The following GTF2A1L variants were observed in gnomAD, a reference collection of about 807,000 sequenced individuals.
GTF2A1L encodes TFIIA-alpha and beta-like factor.
GTF2A1L carries 48 observed loss-of-function variants against 49.7 expected under a neutral mutation model. The observed-to-expected ratio is 0.97, with a 90% CI of 0.77 to 1.23. The LOEUF (loss-of-function observed/expected upper bound fraction) is 1.23. Ranked by LOEUF, GTF2A1L falls within the 50% of genes most tolerant of loss-of-function variation. The pLI is 0.00. For synonymous variants in GTF2A1L, 246 were observed against 193.5 expected, an observed-to-expected ratio of 1.27 and a Z score of -2.25; for missense variants, 736 against 564.8, an observed-to-expected ratio of 1.30 and a Z score of -3.07.
intron 6 of GTF2A1L, 126 bp from the exon 7 acceptor site, chr2:48,669,596 A>G: frequency 8.8e-7 from 1 of 1,134,514 alleles, no homozygotes; most frequent in Non-Finnish European, 1.2e-6. Context: ...GTTAGATTTT[A>G]ATGTCATAAG....
chr2:48,627,641 A>C (rs902386430), intron 3 of GTF2A1L, among the ~76,000 whole-genome samples: 1 of 144,518 alleles, frequency 6.9e-6, no homozygotes, highest in East Asian at 2.0e-4. Flanking sequence ...CCAGATACCC[A>C]GTTTGAATAA....
chr2:48,674,254 G>A (rs1260147608), intron 8 of GTF2A1L, among the ~76,000 whole-genome samples: 1 of 152,110 alleles, frequency 6.6e-6, no homozygotes, highest in Non-Finnish European at 1.5e-5. Context: ...CCACATCCTG[G>A]CCAGCACTGG....
rs1376942357 is a variant in GTF2A1L, at chr2:48,642,447, C to T, written c.293C>T (p.Thr98Ile). 1.9e-6 allele frequency: 3 copies of T among 1,590,526 alleles called. No homozygotes were observed. The highest frequency in any genetic ancestry group is 2.3e-5 in the South Asian group (2 of 86,124). The change falls in exon 4 of 9, where the codon ACA (threonine) becomes ATA (isoleucine). Residue 98 changes from threonine (T) to isoleucine (I), a missense_variant. Physicochemically the swap from Thr to Ile is moderately conservative, Grantham distance 89. Transcript: ENST00000403751. Reference protein sequence around the residue: ...PAGRTLPSFTTAELGTSNSSA... With the variant: ...PAGRTLPSFTIAELGTSNSSA... ...GGTAGAACTCTTCCAAGTTTTACCA[C>T]AGCAGAACTGGTATGTAGCTTACTT...
chr2:48,668,584 C>T (rs1678982444), intron 6 of GTF2A1L: 2 of 152,340 alleles, frequency 1.3e-5, no homozygotes, highest in East Asian at 1.9e-4. Context: ...GTAATCTCAG[C>T]ACTTTGGGAG....
At chr2:48,654,408 T>A (rs780192609) in intron 6 of GTF2A1L, among the ~76,000 whole-genome samples, 6 of 152,190 alleles carry the variant, frequency 3.9e-5, no homozygotes, top group Non-Finnish European at 7.4e-5. Flanking sequence ...AGGTTCATTT[T>A]TTTTTTTGGA....
chr2:48,670,134 T>G (rs914769722), intron 7 of GTF2A1L, 152 bp downstream of exon 7: 11 of 1,176,870 alleles, frequency 9.3e-6, no homozygotes, highest in Non-Finnish European at 1.2e-5. Context: ...GGCTCACACA[T>G]GTAATCCCAG....
chr2:48,651,089 T>A (rs1677820131), intron 6 of GTF2A1L, among the ~76,000 whole-genome samples: 1 of 152,148 alleles, frequency 6.6e-6, no homozygotes, highest in Non-Finnish European at 1.5e-5. Context: ...CAAAGCTTTA[T>A]CATGAAGCAT....
intron 3 of GTF2A1L, among the ~76,000 whole-genome samples, chr2:48,635,050 C>T (rs938771592): frequency 2.6e-5 from 4 of 152,134 alleles, no homozygotes; most frequent in Non-Finnish European, 4.4e-5. Flanking sequence ...GAGGGGCAGC[C>T]TAAAATTCTA....
intron 6 of GTF2A1L, among the ~76,000 whole-genome samples, chr2:48,664,826 T>A (rs556627804): frequency 6.6e-6 from 1 of 152,310 alleles, no homozygotes; most frequent in Non-Finnish European, 1.5e-5. Flanking sequence ...CTATGTAACA[T>A]CCCTTCTTTA....
At chr2:48,662,475 G>T (rs1249829506) in intron 6 of GTF2A1L, among the ~76,000 whole-genome samples, 2 of 151,926 alleles carry the variant, frequency 1.3e-5, no homozygotes, top group African/African-American at 4.8e-5. Context: ...TTTTATCTAG[G>T]AATGTCTTAA....
intron 8 of GTF2A1L, among the ~76,000 whole-genome samples, chr2:48,672,827 G>C (rs1679245811): frequency 6.6e-6 from 1 of 152,060 alleles, no homozygotes; most frequent in African/African-American, 2.4e-5. Context: ...CAATTCAATG[G>C]TTTATTTAGT....
At chr2:48,644,007 AT>A (rs1020499828) in intron 4 of GTF2A1L, among the ~76,000 whole-genome samples, 1 of 151,728 alleles carries the variant, frequency 6.6e-6, no homozygotes, top group African/African-American at 2.4e-5. Flanking sequence ...CCTGTACAAA[AT>A]TTTTTTAAAA....
intron 5 of GTF2A1L, 146 bp downstream of exon 5, chr2:48,645,263 GT>G: frequency 1.3e-6 from 1 of 778,720 alleles, no homozygotes; most frequent in East Asian, 2.9e-5. Flanking sequence ...ATAAATGGTG[GT>G]TTTGATTGTT....
intron 6 of GTF2A1L, among the ~76,000 whole-genome samples, chr2:48,669,174 A>G (rs1241572826): frequency 2.0e-5 from 3 of 152,280 alleles, no homozygotes; most frequent in East Asian, 1.9e-4. Flanking sequence ...TCATTAAACA[A>G]TAACTTTTCA....
chr2:48,635,128 G>A (rs1291947865), intron 3 of GTF2A1L, among the ~76,000 whole-genome samples: 1 of 152,132 alleles, frequency 6.6e-6, no homozygotes, highest in African/African-American at 2.4e-5. Flanking sequence ...GGGCCTTCCT[G>A]CATCAAGATC....
chr2:48,666,037 T>C (rs1678821754), intron 6 of GTF2A1L, among the ~76,000 whole-genome samples: 2 of 152,162 alleles, frequency 1.3e-5, no homozygotes, highest in African/African-American at 4.8e-5. Context: ...TTATATTTAA[T>C]GTTTTTTATT....
intron 6 of GTF2A1L, among the ~76,000 whole-genome samples, chr2:48,664,702 A>G (rs989005690): frequency 1.4e-4 from 21 of 152,070 alleles, no homozygotes; most frequent in African/African-American, 4.6e-4. Context: ...TCTTTAGGTT[A>G]TCTGTTTCTT....
intron 6 of GTF2A1L, among the ~76,000 whole-genome samples, chr2:48,655,602 AC>A (rs1419530328): frequency 1.3e-5 from 2 of 152,184 alleles, no homozygotes; most frequent in Admixed American, 6.5e-5. Flanking sequence ...TGCCACCAGT[AC>A]TTTGATCAGT....
At chr2:48,621,120 A>T in intron 2 of GTF2A1L, 47 bp from the exon 3 acceptor site, 1 of 1,574,858 alleles carries the variant, frequency 6.3e-7, no homozygotes, top group Non-Finnish European at 8.6e-7. Context: ...GTATCATTAT[A>T]TGTGTATATA....
Sources: gnomAD v4.1 joint callset for allele counts (sites outside exome capture counted in the v4.1 genomes callset) on GRCh38, gnomAD v4.1.1 for gene constraint, MANE v1.5 for transcripts, NCBI Gene and HGNC (gene_info 2026-07-23, HGNC 2026-07-21) for gene names.